The following SUGCT variants were observed in gnomAD, a reference collection of about 807,000 sequenced individuals.
SUGCT encodes succinyl-CoA:glutarate CoA-transferase.
A neutral mutation model predicts 55.0 loss-of-function variants in SUGCT; 41 were observed. The ratio of observed to expected loss-of-function variants is 0.74; its 90% CI spans 0.58 to 0.97. The LOEUF is 0.97. SUGCT is among the 50% of genes least tolerant of loss of function. The probability of loss-of-function intolerance (pLI) is 0.00; values close to 1 mark genes in which losing one functional copy is unlikely to be tolerated. For missense variants in SUGCT, 568 were observed against 547.8 expected (o/e 1.04, Z -0.37); for synonymous variants, 187 against 200.4 (o/e 0.93, Z 0.56).
intron 12 of SUGCT, among the ~76,000 whole-genome samples, chr7:40,723,242 C>G (rs747465120): frequency 3.3e-5 from 5 of 151,906 alleles, no homozygotes; most frequent in Middle Eastern, 3.2e-3. Context: ...AATCTTGGTC[C>G]CACCATTTCC....
chr7:40,316,706 G>A lies in SUGCT; in HGVS notation c.721-54G>A, dbSNP rs73135029. The A allele has an allele frequency of 0.045, 51,395 of 1,139,156 alleles. 1,488 individuals carry two copies. The highest frequency in any genetic ancestry group is 0.054 in the Non-Finnish European group (42,033 of 777,526). 70.6% of individuals were successfully genotyped at this position (1,139,156 alleles called of 1,614,324 possible). On this transcript the variant is annotated intron_variant, in intron 8 of 13. Coordinates refer to ENST00000335693, the MANE Select transcript of SUGCT (RefSeq NM_001193313.2). ...TTTCATAATATAACGTTCTCTTTAT[G>A]AGTATAGATAAACTAGCTGTTCTAT...
At chr7:40,732,460 T>G (rs368880111) in intron 12 of SUGCT, among the ~76,000 whole-genome samples, 70 of 152,312 alleles carry the variant, frequency 4.6e-4, no homozygotes, top group African/African-American at 1.6e-3. Context: ...GGATGACCAT[T>G]ATTCAACCTG....
At chr7:40,740,299 T>G (rs530896566) in intron 12 of SUGCT, among the ~76,000 whole-genome samples, 2 of 152,004 alleles carry the variant, frequency 1.3e-5, no homozygotes, top group Non-Finnish European at 1.5e-5. Context: ...CCTAAGAGTA[T>G]TTTTGTATAT....
intron 12 of SUGCT, among the ~76,000 whole-genome samples, chr7:40,595,823 G>A (rs1797984636): frequency 6.6e-6 from 1 of 152,136 alleles, no homozygotes; most frequent in Non-Finnish European, 1.5e-5. Flanking sequence ...AGCTGGATTG[G>A]ATTTAGATTT....
intron 12 of SUGCT, among the ~76,000 whole-genome samples, chr7:40,564,878 A>G (rs566682013): frequency 2.0e-5 from 3 of 152,328 alleles, no homozygotes; most frequent in African/African-American, 7.2e-5. Context: ...GAGAATGAAG[A>G]CAATTTTTCT....
chr7:40,842,678 A>C (rs1230854421), intron 13 of SUGCT, among the ~76,000 whole-genome samples: 1 of 152,250 alleles, frequency 6.6e-6, no homozygotes. Context: ...CTGCCCTCAC[A>C]GAACTTAAAA....
intron 11 of SUGCT, among the ~76,000 whole-genome samples, chr7:40,468,314 A>C (rs1236778282): frequency 6.6e-6 from 1 of 152,070 alleles, no homozygotes; most frequent in Non-Finnish European, 1.5e-5. Context: ...CTTTTCAGTT[A>C]AGTAATATCT....
chr7:40,144,685 T>C (rs1254743801), intron 1 of SUGCT, among the ~76,000 whole-genome samples: 1 of 152,238 alleles, frequency 6.6e-6, no homozygotes, highest in African/African-American at 2.4e-5. Context: ...ATACAATTTC[T>C]AAGAAATTGA....
chr7:40,166,878 C>T (rs1373974576), intron 1 of SUGCT, among the ~76,000 whole-genome samples: 2 of 117,456 alleles, frequency 1.7e-5, no homozygotes, highest in Non-Finnish European at 3.4e-5. Context: ...CAGAGTGAGA[C>T]TCCACCTCAA....
chr7:40,676,403 T>A (rs1322013997), intron 12 of SUGCT, among the ~76,000 whole-genome samples: 1 of 152,028 alleles, frequency 6.6e-6, no homozygotes, highest in African/African-American at 2.4e-5. Context: ...ATGGGCTAAA[T>A]AGGAAAAGTA....
intron 7 of SUGCT, among the ~76,000 whole-genome samples, chr7:40,273,572 A>G (rs906534518): frequency 6.6e-6 from 1 of 152,222 alleles, no homozygotes; most frequent in Admixed American, 6.5e-5. Context: ...GTACTGTTCT[A>G]ACATCTTTAC....
intron 9 of SUGCT, among the ~76,000 whole-genome samples, chr7:40,332,852 C>A (rs1050431275): frequency 6.6e-6 from 1 of 152,060 alleles, no homozygotes; most frequent in East Asian, 1.9e-4. Flanking sequence ...TTGACACAGA[C>A]CTTGCTAGGG....
At chr7:40,646,070 A>G (rs1281972461) in intron 12 of SUGCT, among the ~76,000 whole-genome samples, 1 of 152,116 alleles carries the variant, frequency 6.6e-6, no homozygotes, top group South Asian at 2.1e-4. Flanking sequence ...TCTCAAGTCT[A>G]TCCTTATCTC....
chr7:40,531,614 G>T (rs1355702182), intron 12 of SUGCT, among the ~76,000 whole-genome samples: 4 of 138,490 alleles, frequency 2.9e-5, no homozygotes, highest in Non-Finnish European at 4.5e-5. Context: ...TCACAGCCAT[G>T]TGTTTAAAGT....
At chr7:40,387,401 G>A (rs17171705) in intron 9 of SUGCT, among the ~76,000 whole-genome samples, 16,757 of 152,106 alleles carry the variant, frequency 0.11, 1,381 homozygotes, top group East Asian at 0.48. Context: ...TATGGACAGG[G>A]TTCAGGGCTA....
intron 9 of SUGCT, among the ~76,000 whole-genome samples, chr7:40,419,485 T>C (rs1218590848): frequency 1.3e-5 from 2 of 152,230 alleles, no homozygotes; most frequent in African/African-American, 2.4e-5. Flanking sequence ...AAAGCTACTT[T>C]CCTCATTTAT....
the SUGCT span, among the ~76,000 whole-genome samples, chr7:40,940,253 G>C: frequency 6.6e-6 from 1 of 152,044 alleles, no homozygotes; most frequent in South Asian, 2.1e-4. Flanking sequence ...TTTTATAACA[G>C]GACTATGCTG....
intron 6 of SUGCT, among the ~76,000 whole-genome samples, chr7:40,222,216 G>A (rs1216406700): frequency 6.6e-6 from 1 of 152,256 alleles, no homozygotes; most frequent in Non-Finnish European, 1.5e-5. Context: ...GATATCCCCA[G>A]TGATGGAGTG....
At chr7:40,948,510 A>C in the SUGCT span, among the ~76,000 whole-genome samples, 2 of 151,980 alleles carry the variant, frequency 1.3e-5, no homozygotes, top group African/African-American at 4.8e-5. Flanking sequence ...GAATGTGCAG[A>C]TTTGTTACGT....
Sources: allele counts gnomAD v4.1 joint callset (sites outside exome capture counted in the v4.1 genomes callset), GRCh38; gene constraint gnomAD v4.1.1; transcripts MANE v1.5; gene names NCBI Gene and HGNC (gene_info 2026-07-23, HGNC 2026-07-21).